The following PTTG1IP2 variants were observed in gnomAD, a reference collection of about 807,000 sequenced individuals.
The protein encoded by PTTG1IP2 is PTTG1IP family member 2.
chr7:90,505,990 CAAAAAAAAAAAAAAA>C (rs59521168), intron 6 of PTTG1IP2, among the ~76,000 whole-genome samples: 8 of 77,318 alleles, frequency 1.0e-4, no homozygotes, highest in African/African-American at 3.3e-4. Context: ...GACTCCGTCT[CAAAAAAAAAAAAAAA>C]AAAAAAAAAA....
chr7:90,509,475 G>C (rs988435402), intron 6 of PTTG1IP2, among the ~76,000 whole-genome samples: 1 of 146,990 alleles, frequency 6.8e-6, no homozygotes, highest in East Asian at 1.9e-4. Flanking sequence ...TAATATAAAG[G>C]AGGAAAACAG....
intron 6 of PTTG1IP2, among the ~76,000 whole-genome samples, chr7:90,497,713 TATAAAAAAAAAAAAAA>T (rs1358608937): frequency 1.0e-4 from 5 of 49,598 alleles, no homozygotes; most frequent in African/African-American, 5.1e-4. Context: ...AAAGACCCTG[TATAAAAAAAAAAAAAA>T]AAAAAAAAAA....
chr7:90,476,356 ATAGT>A (rs1253272165), intron 1 of PTTG1IP2, among the ~76,000 whole-genome samples: 3 of 152,214 alleles, frequency 2.0e-5, no homozygotes, highest in African/African-American at 7.2e-5. Context: ...CTGCTATTAA[ATAGT>A]TAAAGTTAAA....
chr7:90,502,079 C>G (rs1187535985), intron 6 of PTTG1IP2, among the ~76,000 whole-genome samples: 2 of 152,228 alleles, frequency 1.3e-5, no homozygotes, highest in East Asian at 1.9e-4. Flanking sequence ...TCATCCATAA[C>G]AAGTGGCTCC....
At chr7:90,505,196 A>C (rs1468051138) in intron 6 of PTTG1IP2, among the ~76,000 whole-genome samples, 6 of 152,218 alleles carry the variant, frequency 3.9e-5, no homozygotes, top group Admixed American at 3.9e-4. Context: ...GATAACTTTT[A>C]ACCATATTTG....
intron 1 of PTTG1IP2, 32 bp downstream of exon 1, chr7:90,469,963 C>T (rs1797662414): frequency 6.6e-6 from 1 of 152,600 alleles, no homozygotes; most frequent in Non-Finnish European, 1.5e-5. Flanking sequence ...GGTGGGTGCC[C>T]CACATGCTCC....
intron 2 of PTTG1IP2, among the ~76,000 whole-genome samples, chr7:90,485,361 C>T (rs1290641400): frequency 1.3e-5 from 2 of 152,084 alleles, no homozygotes; most frequent in African/African-American, 4.8e-5. Flanking sequence ...CAGCTACTGC[C>T]CCCAGCTCTA....
intron 2 of PTTG1IP2, among the ~76,000 whole-genome samples, chr7:90,483,953 T>A (rs1215966944): frequency 6.6e-6 from 1 of 152,036 alleles, no homozygotes; most frequent in African/African-American, 2.4e-5. Context: ...TATAAAGAAA[T>A]CCCAAATTCA....
At chr7:90,480,356 A>G (rs1393768553) in intron 2 of PTTG1IP2, among the ~76,000 whole-genome samples, 1 of 152,046 alleles carries the variant, frequency 6.6e-6, no homozygotes, top group Non-Finnish European at 1.5e-5. Context: ...ATGAATTCTC[A>G]TGGTTGTTCA....
chr7:90,497,505 A>G (rs1422415504), intron 6 of PTTG1IP2, among the ~76,000 whole-genome samples: 1 of 146,482 alleles, frequency 6.8e-6, no homozygotes, highest in African/African-American at 2.5e-5. Flanking sequence ...CGGAGCTTGC[A>G]GTGAACCGAG....
intron 2 of PTTG1IP2, among the ~76,000 whole-genome samples, chr7:90,486,342 C>T (rs1797874527): frequency 1.3e-5 from 2 of 150,906 alleles, no homozygotes; most frequent in Non-Finnish European, 3.0e-5. Flanking sequence ...CATAATAGTA[C>T]CTAGATCACC....
intron 6 of PTTG1IP2, among the ~76,000 whole-genome samples, chr7:90,497,038 G>A (rs545329582): frequency 6.0e-4 from 91 of 152,122 alleles, no homozygotes; most frequent in African/African-American, 2.1e-3. Context: ...ATATCATCAC[G>A]GTCAGAAAAG....
intron 6 of PTTG1IP2, among the ~76,000 whole-genome samples, 170 bp from the exon 7 acceptor site, chr7:90,513,108 T>A (rs1798208069): frequency 6.6e-6 from 1 of 152,232 alleles, no homozygotes; most frequent in African/African-American, 2.4e-5. Flanking sequence ...AAGTTGATAA[T>A]CATTAACCAT....
Position 90,508,917 on chromosome 7 carries a change from G to A in PTTG1IP2, c.*51-4361G>A, listed in dbSNP as rs752208890. On this transcript the variant is annotated intron_variant, in intron 6 of 6. Coordinates refer to ENST00000509356, the MANE Select transcript of PTTG1IP2 (RefSeq NM_001365443.2). ...GGACCCTCAGCCTAGACATGTGTGC[G>A]CAGTGGCCCTGCTCAATGTCGCACA... Among the ~76,000 whole-genome samples, 7 of 152,232 alleles carry A rather than the reference G, an allele frequency of 4.6e-5. No individual in the cohort carries two copies. In the East Asian group the frequency reaches 7.7e-4, roughly 17 times the overall value.
chr7:90,502,040 T>C (rs1798066769), intron 6 of PTTG1IP2, among the ~76,000 whole-genome samples: 1 of 152,224 alleles, frequency 6.6e-6, no homozygotes, highest in African/African-American at 2.4e-5. Flanking sequence ...CCAGGAGTAG[T>C]TTCCATTTCA....
At chr7:90,509,163 GA>G (rs1331229606) in intron 6 of PTTG1IP2, among the ~76,000 whole-genome samples, 1 of 151,206 alleles carries the variant, frequency 6.6e-6, no homozygotes, top group Non-Finnish European at 1.5e-5. Flanking sequence ...GATTTGTAAG[GA>G]AACATACCTT....
chr7:90,510,929 T>C (rs1798182698), intron 6 of PTTG1IP2, among the ~76,000 whole-genome samples: 1 of 152,216 alleles, frequency 6.6e-6, no homozygotes. Context: ...ATTAAATATC[T>C]ATTGGAGTTA....
At chr7:90,492,026 G>A (rs753531955) in intron 4 of PTTG1IP2, among the ~76,000 whole-genome samples, 35 of 152,104 alleles carry the variant, frequency 2.3e-4, no homozygotes, top group Non-Finnish European at 7.4e-5. Context: ...AGCTACTTAG[G>A]TGGCTGAGGA....
chr7:90,486,788 T>C (rs929081405), intron 2 of PTTG1IP2, among the ~76,000 whole-genome samples: 2 of 152,232 alleles, frequency 1.3e-5, no homozygotes, highest in African/African-American at 4.8e-5. Flanking sequence ...TCTTTGGTTT[T>C]GTTTCCTAAA....
Sources: gnomAD v4.1 joint callset for allele counts (sites outside exome capture counted in the v4.1 genomes callset) on GRCh38, gnomAD v4.1.1 for gene constraint, MANE v1.5 for transcripts, NCBI Gene and HGNC (gene_info 2026-07-23, HGNC 2026-07-21) for gene names.